The following INPP5A variants were observed in gnomAD, a reference collection of about 807,000 sequenced individuals.
INPP5A encodes the protein inositol polyphosphate-5-phosphatase A.
In INPP5A, 14 loss-of-function variants were observed where a neutral mutation model predicts 65.2. That is an observed-to-expected ratio of 0.21 (90% CI 0.14 to 0.34). The LOEUF (loss-of-function observed/expected upper bound fraction) is 0.34, where lower values mean the gene tolerates loss of function less well. Ranked by LOEUF, INPP5A falls within the 10% of genes least tolerant of loss-of-function variation. The pLI is 1.00. For synonymous variants in INPP5A, 207 were observed against 208.3 expected (o/e 0.99, Z 0.05); for missense variants, 431 against 545.6 (o/e 0.79, Z 2.09).
rs1246938321 is a variant in INPP5A, at chr10:132,637,109, G to C, written c.118-8759G>C. On this transcript the variant is annotated intron_variant, in intron 2 of 15. Transcript: ENST00000368594. The surrounding 1 kb of genome is among the most constrained non-coding windows in gnomAD (Gnocchi z 4.1). The stretch of plus-strand genomic sequence containing the variant: ...ATTTTTGCATTTTTAGTAGAGACGG[G>C]GTTTGACCATGTTGGCCAGGATGGT... Among the ~76,000 whole-genome samples, 1 of 152,156 alleles carries C rather than the reference G, an allele frequency of 6.6e-6. No homozygotes were observed. Among genetic ancestry groups the C allele is most frequent in the Non-Finnish European group, 1.5e-5 (1 of 68,026 alleles).
intron 10 of INPP5A, 66 bp downstream of exon 10, chr10:132,749,678 A>G (rs763415049): frequency 3.1e-4 from 489 of 1,599,592 alleles, no homozygotes; most frequent in Non-Finnish European, 4.1e-4. Context: ...AGCTTCCTTC[A>G]GAGCCGCCCT....
intron 11 of INPP5A, among the ~76,000 whole-genome samples, chr10:132,751,124 C>T (rs1283010686): frequency 2.6e-5 from 4 of 152,214 alleles, no homozygotes; most frequent in Non-Finnish European, 4.4e-5. Flanking sequence ...GCCTCCCCAA[C>T]GGCCCCCAGA....
intron 1 of INPP5A, among the ~76,000 whole-genome samples, chr10:132,557,122 T>C (rs931645244): frequency 1.3e-5 from 2 of 152,276 alleles, no homozygotes; most frequent in African/African-American, 4.8e-5. Flanking sequence ...CAGTTCCGCC[T>C]AAAGGCCGAC....
At chr10:132,724,424 G>T (rs1845948025) in intron 8 of INPP5A, among the ~76,000 whole-genome samples, 1 of 152,374 alleles carries the variant, frequency 6.6e-6, no homozygotes, top group South Asian at 2.1e-4. Context: ...GGGGACTGGG[G>T]CAGGTGTCTC....
intron 9 of INPP5A, among the ~76,000 whole-genome samples, chr10:132,730,542 C>T (rs888154290): frequency 6.6e-6 from 1 of 152,264 alleles, no homozygotes; most frequent in Non-Finnish European, 1.5e-5. Context: ...GGAAGAGCAG[C>T]TCCTGCGTGC....
In INPP5A at chr10:132,782,653, A is replaced by G. The variant is rs1414454439; in HGVS notation, c.*624A>G. The G allele has an allele frequency of 4.6e-5, 7 of 151,916 alleles. No homozygotes were observed. Among genetic ancestry groups the G allele is most frequent in the African/African-American group, 1.7e-4 (7 of 41,318 alleles). 9.4% of individuals were successfully genotyped at this position (151,916 alleles called of 1,614,324 possible). On this transcript the variant is annotated 3_prime_UTR_variant, in exon 16 of 16. Coordinates refer to ENST00000368594, the MANE Select transcript of INPP5A (RefSeq NM_005539.5). This position sits in a 1 kb window ranked among gnomAD's most constrained non-coding sequence, Gnocchi z 4.4. The stretch of plus-strand genomic sequence containing the variant: ...TAAAAATAATTTATAAATCTTACCA[A>G]AACTTATGCTAAATATACTTTCCAG...
chr10:132,540,334 T>C (rs993194557), intron 1 of INPP5A, among the ~76,000 whole-genome samples: 2 of 152,282 alleles, frequency 1.3e-5, no homozygotes, highest in African/African-American at 4.8e-5. Context: ...CAACCTATTC[T>C]CTCTGAATTT....
intron 13 of INPP5A, among the ~76,000 whole-genome samples, chr10:132,779,269 C>T (rs747333416): frequency 4.6e-5 from 7 of 152,246 alleles, no homozygotes; most frequent in African/African-American, 9.6e-5. Flanking sequence ...CTGGTAGGCA[C>T]GCCAGTCCCT....
In INPP5A at chr10:132,659,204, T is replaced by A. The variant is rs1268066997; in HGVS notation, c.306+8699T>A. ...TCAGGCAGACTCAGAGGCACAGGGG[T>A]TCAGATTGAGGCCTGGGGCTGAGGA... On this transcript the variant is annotated intron_variant, in intron 4 of 15. Transcript: ENST00000368594. The surrounding 1 kb of genome is among the most constrained non-coding windows in gnomAD (Gnocchi z 5.5). Among the ~76,000 whole-genome samples, 1 of 151,922 alleles carries A rather than the reference T, an allele frequency of 6.6e-6. No homozygotes were observed. The highest frequency in any genetic ancestry group is 1.5e-5 in the Non-Finnish European group (1 of 67,966).
Position 132,663,948 on chromosome 10 carries a change from A to C in INPP5A, c.306+13443A>C, listed in dbSNP as rs1036590010. Among the ~76,000 whole-genome samples, 1 of 152,232 alleles carries C rather than the reference A, an allele frequency of 6.6e-6. No homozygotes were observed. The highest frequency in any genetic ancestry group is 1.5e-5 in the Non-Finnish European group (1 of 68,040). Reference sequence around the variant, plus strand: ...ATCCATCAGGCGGCCGACAGGCGTGATCGAGTGCCGTGTCACACGCAGCCC... The same window carrying C: ...ATCCATCAGGCGGCCGACAGGCGTGCTCGAGTGCCGTGTCACACGCAGCCC... On this transcript the variant is annotated intron_variant, in intron 4 of 15. Coordinates refer to ENST00000368594, the MANE Select transcript of INPP5A (RefSeq NM_005539.5). This position sits in a 1 kb window ranked among gnomAD's most constrained non-coding sequence, Gnocchi z 4.5.
rs1310310802 is a variant in INPP5A, at chr10:132,551,684, G to A, written c.75+13513G>A. On this transcript the variant is annotated intron_variant, in intron 1 of 15. Coordinates refer to ENST00000368594, the MANE Select transcript of INPP5A (RefSeq NM_005539.5). The surrounding 1 kb of genome is among the most constrained non-coding windows in gnomAD (Gnocchi z 5.3). ...CGCTGCTGCAGTGGGCAGTGTGTGC[G>A]TCGTACACAGGTGGAAGGTGGAGGC... 3.3e-5 allele frequency among the ~76,000 whole-genome samples: 5 copies of A among 152,310 alleles called. No individual in the cohort carries two copies. The East Asian group carries it at 9.6e-4, about 29-fold the overall frequency.
At chr10:132,579,157 G>T (rs143544219) in intron 1 of INPP5A, among the ~76,000 whole-genome samples, 1 of 152,004 alleles carries the variant, frequency 6.6e-6, no homozygotes, top group Non-Finnish European at 1.5e-5. Context: ...AGGCAGAGCC[G>T]CGCCGGTTGC....
chr10:132,568,369 A>G (rs777086240), intron 1 of INPP5A, among the ~76,000 whole-genome samples: 13 of 152,124 alleles, frequency 8.5e-5, no homozygotes, highest in Non-Finnish European at 1.5e-4. Flanking sequence ...TAATGGCTCC[A>G]TGAGATAACA....
At position 132,676,027 on chromosome 10, in the gene INPP5A, A is replaced by G. The variant is rs1345518797; in HGVS notation, c.307-14365A>G. Among the ~76,000 whole-genome samples the G allele has an allele frequency of 6.6e-6, 1 of 152,252 alleles. No homozygotes were observed. The highest frequency in any genetic ancestry group is 1.9e-4 in the East Asian group (1 of 5,202). ...ATTTTAATTAGGATGCAAACTCCTT[A>G]CATAATTTAATTGGCATAAAAGTTT... On this transcript the variant is annotated intron_variant, in intron 4 of 15. Transcript: ENST00000368594. The surrounding 1 kb of genome is among the most constrained non-coding windows in gnomAD (Gnocchi z 4.0).
At chr10:132,565,363 T>A (rs2071259463) in intron 1 of INPP5A, among the ~76,000 whole-genome samples, 1 of 152,208 alleles carries the variant, frequency 6.6e-6, no homozygotes, top group South Asian at 2.1e-4. Flanking sequence ...CCCCATAGTT[T>A]GTGGCAACAC....
At chr10:132,738,505 G>C (rs914054807) in intron 9 of INPP5A, among the ~76,000 whole-genome samples, 4 of 152,206 alleles carry the variant, frequency 2.6e-5, no homozygotes, top group African/African-American at 9.7e-5. Flanking sequence ...TCTGCCGCCG[G>C]GCAGGGCCAG....
chr10:132,565,347 T>G (rs2133275482), intron 1 of INPP5A, among the ~76,000 whole-genome samples: 1 of 152,350 alleles, frequency 6.6e-6, no homozygotes, highest in African/African-American at 2.4e-5. Context: ...ATCCAGTCAC[T>G]TTTAACCCCA....
chr10:132,779,301 C>T (rs1847118276), intron 13 of INPP5A, among the ~76,000 whole-genome samples: 1 of 152,258 alleles, frequency 6.6e-6, no homozygotes, highest in Non-Finnish European at 1.5e-5. Context: ...GGTGGGTGCT[C>T]CCATCTGCCA....
chr10:132,778,752 C>A (rs1847106420), intron 13 of INPP5A, among the ~76,000 whole-genome samples: 1 of 152,102 alleles, frequency 6.6e-6, no homozygotes, highest in South Asian at 2.1e-4. Context: ...GGGACAGGAG[C>A]CCCCTACTAA....
Sources: gnomAD v4.1 joint callset for allele counts (sites outside exome capture counted in the v4.1 genomes callset) on GRCh38, gnomAD v4.1.1 for gene constraint, Gnocchi (gnomAD v3.1) non-coding constraint, MANE v1.5 for transcripts, NCBI Gene and HGNC (gene_info 2026-07-23, HGNC 2026-07-21) for gene names.